The following CCBE1 variants were observed in gnomAD, a reference collection of about 807,000 sequenced individuals.
CCBE1 encodes collagen and calcium binding EGF domains 1, also known as collagen and calcium-binding EGF domain-containing protein 1.
CCBE1 carries 37 observed loss-of-function variants against 50.0 expected under a neutral mutation model. The observed-to-expected ratio is 0.74, with a 90% CI of 0.57 to 0.97. CCBE1 has a LOEUF of 0.97. CCBE1 is among the 50% of genes least tolerant of loss of function. The pLI is 0.00. For missense variants in CCBE1, 538 were observed against 523.8 expected (o/e 1.03, Z -0.26); for synonymous variants, 234 against 203.7 (o/e 1.15, Z -1.27).
At chr18:59,681,405 T>A (rs2054586773) in intron 2 of CCBE1, among the ~76,000 whole-genome samples, 1 of 152,250 alleles carries the variant, frequency 6.6e-6, no homozygotes, top group Admixed American at 6.5e-5. Flanking sequence ...AGAAATTTTA[T>A]GAGAAAGCTG....
At chr18:59,623,623 C>G (rs1228127295) in intron 2 of CCBE1, among the ~76,000 whole-genome samples, 1 of 152,144 alleles carries the variant, frequency 6.6e-6, no homozygotes, top group Non-Finnish European at 1.5e-5. Flanking sequence ...CAAACTCTCA[C>G]AAGTCTTATC....
intron 2 of CCBE1, among the ~76,000 whole-genome samples, chr18:59,559,343 T>C (rs2052700106): frequency 6.6e-6 from 1 of 152,184 alleles, no homozygotes; most frequent in South Asian, 2.1e-4. Flanking sequence ...GCTTACCCAG[T>C]GATCTGTCAG....
chr18:59,623,844 T>TA (rs1244167934), intron 2 of CCBE1, among the ~76,000 whole-genome samples: 4 of 152,062 alleles, frequency 2.6e-5, no homozygotes, highest in African/African-American at 7.2e-5. Flanking sequence ...GGTTTTGCAA[T>TA]AAAAAAACAC....
At chr18:59,609,564 G>A (rs1410087186) in intron 2 of CCBE1, among the ~76,000 whole-genome samples, 3 of 152,166 alleles carry the variant, frequency 2.0e-5, no homozygotes, top group Admixed American at 2.0e-4. Context: ...CTACCTCTCA[G>A]TGTTTCTTAA....
At chr18:59,563,424 A>C (rs1411526058) in intron 2 of CCBE1, among the ~76,000 whole-genome samples, 1 of 152,256 alleles carries the variant, frequency 6.6e-6, no homozygotes, top group Non-Finnish European at 1.5e-5. Flanking sequence ...TTACGAAATT[A>C]TAGAAAAATT....
intron 6 of CCBE1, among the ~76,000 whole-genome samples, chr18:59,450,658 C>A (rs998679396): frequency 6.6e-6 from 1 of 152,200 alleles, no homozygotes; most frequent in South Asian, 2.1e-4. Flanking sequence ...CTCAGCCTCC[C>A]GAGTAGATGG....
In CCBE1 at chr18:59,432,951, G is replaced by C. The variant is rs1909994117; in HGVS notation, c.*2957C>G. On this transcript the variant is annotated 3_prime_UTR_variant, in exon 11 of 11. Coordinates refer to ENST00000439986, the MANE Select transcript of CCBE1 (RefSeq NM_133459.4). ...TCTCATACAGCTTGTGCATAGTTTT[G>C]TGTGTTTTTTTTTAAACATTCATCC... 1 of 56,658 alleles carries C rather than the reference G, an allele frequency of 1.8e-5. No individual in the cohort carries two copies. Among genetic ancestry groups the C allele is most frequent in the Non-Finnish European group, 4.0e-5 (1 of 24,914 alleles). The allele number at this position is 56,658 out of a possible 1,614,324, so 3.5% of individuals were successfully genotyped here. A position where few individuals can be genotyped will look rare whatever the true frequency, so the allele number is the denominator to read the frequency against.
At chr18:59,589,590 T>C (rs1295941972) in intron 2 of CCBE1, among the ~76,000 whole-genome samples, 2 of 151,836 alleles carry the variant, frequency 1.3e-5, no homozygotes, top group African/African-American at 4.8e-5. Flanking sequence ...GGCCAGGAGA[T>C]CGAGACCATC....
intron 2 of CCBE1, among the ~76,000 whole-genome samples, chr18:59,613,863 G>GTTGTTTTTTTTTTTGT (rs2053602852): frequency 2.0e-5 from 2 of 98,428 alleles, no homozygotes; most frequent in African/African-American, 7.5e-5. Context: ...TCTCTGATGG[G>GTTGTTTTTTTTTTTGT]TTTTTTTTTT....
At chr18:59,638,458 G>A (rs1741140677) in intron 2 of CCBE1, among the ~76,000 whole-genome samples, 1 of 152,210 alleles carries the variant, frequency 6.6e-6, no homozygotes, top group Non-Finnish European at 1.5e-5. Context: ...AGAACTTGCT[G>A]TAAATGCACA....
chr18:59,476,224 T>G (rs1912299702), intron 3 of CCBE1, among the ~76,000 whole-genome samples: 1 of 152,196 alleles, frequency 6.6e-6, no homozygotes, highest in Non-Finnish European at 1.5e-5. Flanking sequence ...TTAAATTGGA[T>G]GATGCCATTA....
Position 59,439,747 on chromosome 18 carries a change from C to A in CCBE1, c.845G>T (p.Arg282Leu). ...TGGTCCCATGGGTCCCATTGAGCCC[C>A]GTGGGCCGGGCTGCCCAGGAGGGCC... Reference protein sequence around the residue: ...MPGPPGQPGPRGSMGPMGPSP... With the variant: ...MPGPPGQPGPLGSMGPMGPSP... The change falls in exon 8 of 11, where the codon CGG becomes CTG. Residue 282 changes from arginine (R) to leucine (L), a missense_variant. By Grantham distance (102) the Arg-to-Leu change is moderately radical. Transcript: ENST00000439986. 6.2e-7 allele frequency: 1 copy of A among 1,614,176 alleles called. No homozygotes were observed. The highest frequency in any genetic ancestry group is 8.5e-7 in the Non-Finnish European group (1 of 1,180,016).
chr18:59,480,948 G>A (rs1052889133), intron 2 of CCBE1, among the ~76,000 whole-genome samples: 4 of 152,122 alleles, frequency 2.6e-5, no homozygotes, highest in African/African-American at 9.7e-5. Context: ...ACAGCCAGAT[G>A]CAGGCTCTCC....
chr18:59,639,547 G>A (rs1186958225), intron 2 of CCBE1, among the ~76,000 whole-genome samples: 1 of 152,120 alleles, frequency 6.6e-6, no homozygotes, highest in Non-Finnish European at 1.5e-5. Context: ...ATACTGAATG[G>A]GCAAAAGCTG....
At chr18:59,511,795 C>T (rs559912305) in intron 2 of CCBE1, among the ~76,000 whole-genome samples, 1 of 152,084 alleles carries the variant, frequency 6.6e-6, no homozygotes, top group East Asian at 1.9e-4. Context: ...ACAACTCTAC[C>T]CACTCTATAG....
At chr18:59,598,570 T>C (rs2053387821) in intron 2 of CCBE1, among the ~76,000 whole-genome samples, 2 of 152,240 alleles carry the variant, frequency 1.3e-5, no homozygotes, top group African/African-American at 2.4e-5. Context: ...GGAAATGCTA[T>C]TGAGCTAACC....
In CCBE1 at chr18:59,459,596, C is replaced by T. The variant is rs539064931; in HGVS notation, c.554-4645G>A. On this transcript the variant is annotated intron_variant, in intron 5 of 10. Coordinates refer to ENST00000439986, the MANE Select transcript of CCBE1 (RefSeq NM_133459.4). The stretch of plus-strand genomic sequence containing the variant: ...TAATTTTTCCTGAAGTTGACCAGGA[C>T]GTCTATCCTAAGCATTAGAAGTTGT... 1.1e-3 allele frequency among the ~76,000 whole-genome samples: 174 copies of T among 152,250 alleles called. 2 individuals are homozygous for T. The South Asian group carries it at 0.018, about 16-fold the overall frequency.
intron 2 of CCBE1, among the ~76,000 whole-genome samples, chr18:59,507,548 CT>C (rs1349126130): frequency 7.9e-5 from 12 of 152,350 alleles, no homozygotes; most frequent in African/African-American, 2.9e-4. Flanking sequence ...TCTTCAGCTT[CT>C]GACTCTGTAC....
At chr18:59,499,260 A>G (rs1236408579) in intron 2 of CCBE1, among the ~76,000 whole-genome samples, 1 of 152,226 alleles carries the variant, frequency 6.6e-6, no homozygotes, top group East Asian at 1.9e-4. Flanking sequence ...TTCAGGCACT[A>G]TAATAAAGTG....
Sources: allele counts gnomAD v4.1 joint callset (sites outside exome capture counted in the v4.1 genomes callset), GRCh38; gene constraint gnomAD v4.1.1; transcripts MANE v1.5; gene names NCBI Gene and HGNC (gene_info 2026-07-23, HGNC 2026-07-21).